The following ZNF777 variants were observed in gnomAD, a reference collection of about 807,000 sequenced individuals.
ZNF777 encodes the protein zinc finger protein 777.
A neutral mutation model predicts 72.1 loss-of-function variants in ZNF777; 7 were observed. The ratio of observed to expected loss-of-function variants is 0.10; its 90% CI spans 0.06 to 0.18. The LOEUF is 0.18. Among genes scored for constraint, ZNF777 ranks in the 10% least tolerant of loss-of-function variants. The pLI, the probability that ZNF777 is intolerant of heterozygous loss-of-function variation, is 1.00. For missense variants in ZNF777, 828 were observed against 1,128.6 expected (o/e 0.73, Z 3.82); for synonymous variants, 545 against 483.5 (o/e 1.13, Z -1.67).
chr7:149,453,177 T>C (rs1246329168), intron 3 of ZNF777, among the ~76,000 whole-genome samples: 2 of 152,216 alleles, frequency 1.3e-5, no homozygotes, highest in African/African-American at 2.4e-5. Flanking sequence ...AAAGTGTTCA[T>C]GGTGGTTACC....
At chr7:149,442,058 A>G (rs1799526917) in intron 4 of ZNF777, among the ~76,000 whole-genome samples, 1 of 151,496 alleles carries the variant, frequency 6.6e-6, no homozygotes, top group Non-Finnish European at 1.5e-5. Flanking sequence ...TCTACTAAAA[A>G]ATACAAAAAT....
rs1799799040 is a variant in ZNF777, at chr7:149,455,108, C to T, written c.846+69G>A. ...TCAACCACCCCTTTCTTTCATATTA[C>T]ACTACATTCCTAAACCACACTCCAA... On this transcript the variant is annotated intron_variant, in intron 2 of 5. Coordinates refer to ENST00000247930, the MANE Select transcript of ZNF777 (RefSeq NM_015694.3). This position sits in a 1 kb window ranked among gnomAD's most constrained non-coding sequence, Gnocchi z 4.2. The T allele has an allele frequency of 6.6e-7, 1 of 1,520,294 alleles. No homozygotes were observed. The highest frequency in any genetic ancestry group is 8.8e-7 in the Non-Finnish European group (1 of 1,134,202). The allele number at this position is 1,520,294 out of a possible 1,614,324, so 94.2% of individuals were successfully genotyped here.
rs1294685250 is a variant in ZNF777, at chr7:149,455,770, C to A, written c.253G>T (p.Ala85Ser). 6.2e-7 allele frequency: 1 copy of A among 1,603,324 alleles called. No homozygotes were observed. Among genetic ancestry groups the A allele is most frequent in the Non-Finnish European group, 8.5e-7 (1 of 1,174,166 alleles). The change falls in exon 2 of 6, where the codon GCC becomes TCC. Residue 85 changes from alanine (A) to serine (S), a missense_variant. Physicochemically the swap from Ala to Ser is moderately conservative, Grantham distance 99. Coordinates refer to ENST00000247930, the MANE Select transcript of ZNF777 (RefSeq NM_015694.3). The surrounding 1 kb of genome is among the most constrained non-coding windows in gnomAD (Gnocchi z 4.2). ...LQKGPSLLCS[A>S]ASEQETSLQG... ...AGAGAAGTCTCTTGCTCAGAAGCGGCAGAACACAGGAGTGAGGGTCCCTTC... is the reference window on the plus strand; with the variant it reads ...AGAGAAGTCTCTTGCTCAGAAGCGGAAGAACACAGGAGTGAGGGTCCCTTC...
chr7:149,449,214 T>C (rs552730754), intron 4 of ZNF777, among the ~76,000 whole-genome samples: 26 of 152,220 alleles, frequency 1.7e-4, no homozygotes, highest in African/African-American at 6.3e-4. Context: ...GGTACCTATG[T>C]CCTCCCCTTT....
At chr7:149,433,353 T>C (rs1799358202) in intron 5 of ZNF777, among the ~76,000 whole-genome samples, 1 of 152,292 alleles carries the variant, frequency 6.6e-6, no homozygotes, top group East Asian at 1.9e-4. Flanking sequence ...CTCACGATTC[T>C]CTAATTATAT....
At chr7:149,450,792 A>G (rs985246486) in intron 4 of ZNF777, among the ~76,000 whole-genome samples, 1 of 152,154 alleles carries the variant, frequency 6.6e-6, no homozygotes, top group African/African-American at 2.4e-5. Flanking sequence ...AATTCCTGAG[A>G]CAGTGAACCC....
intron 4 of ZNF777, among the ~76,000 whole-genome samples, chr7:149,441,694 T>C (rs1413873040): frequency 6.6e-6 from 1 of 152,224 alleles, no homozygotes; most frequent in African/African-American, 2.4e-5. Flanking sequence ...TGTTTTCAAA[T>C]GTATTAAACC....
At chr7:149,433,607 C>G (rs1799362608) in intron 5 of ZNF777, among the ~76,000 whole-genome samples, 1 of 152,200 alleles carries the variant, frequency 6.6e-6, no homozygotes, top group Admixed American at 6.5e-5. Context: ...TGATCAAAAC[C>G]TACAGCACTC....
intron 4 of ZNF777, among the ~76,000 whole-genome samples, chr7:149,443,293 T>C (rs1490076420): frequency 1.3e-5 from 2 of 152,204 alleles, no homozygotes; most frequent in Admixed American, 6.5e-5. Flanking sequence ...TACTTCTATA[T>C]TGTCTGATTT....
At chr7:149,454,735 A>G (rs180742279) in intron 2 of ZNF777, among the ~76,000 whole-genome samples, 1 of 152,354 alleles carries the variant, frequency 6.6e-6, no homozygotes, top group East Asian at 1.9e-4. Context: ...TTGAAAGGAA[A>G]CATCTTGAAA....
Position 149,436,552 on chromosome 7 carries a change from G to A in ZNF777, c.1339+23C>T, listed in dbSNP as rs749548223. 31 of 1,568,852 alleles carry A rather than the reference G, an allele frequency of 2.0e-5. No homozygotes were observed. The highest frequency in any genetic ancestry group is 6.8e-5 in the East Asian group (3 of 43,952). On this transcript the variant is annotated intron_variant, in intron 5 of 5. Transcript: ENST00000247930. This position sits in a 1 kb window ranked among gnomAD's most constrained non-coding sequence, Gnocchi z 5.0. ...GGAGGCCTCATGGCAACCCTTCCCC[G>A]GCCGTCCCCGCCCAGCACTCACCCG...
chr7:149,443,357 T>C (rs932232405), intron 4 of ZNF777, among the ~76,000 whole-genome samples: 1 of 152,262 alleles, frequency 6.6e-6, no homozygotes, highest in Admixed American at 6.5e-5. Context: ...GCCATGTGTA[T>C]GTAATCACAT....
At chr7:149,457,380 G>T (rs1013128044) in intron 1 of ZNF777, among the ~76,000 whole-genome samples, 1 of 152,108 alleles carries the variant, frequency 6.6e-6, no homozygotes, top group East Asian at 1.9e-4. Flanking sequence ...ATATCCAAGT[G>T]GTCTTTAATT....
Position 149,455,492 on chromosome 7 carries a change from CG to C in ZNF777, c.530del (p.Pro177ArgfsTer28). ...AGCGGGTGATCTCTGCCGTGGGGAG[CG>C]GCTGTTCCTTCTGGACTGCAGAAGA... ...QISSAVQKEQ[P>X]LPTAEITRLA... On this transcript the variant is annotated frameshift_variant, in exon 2 of 6. Coordinates refer to ENST00000247930, the MANE Select transcript of ZNF777 (RefSeq NM_015694.3). LOFTEE classifies it high-confidence loss of function. This position sits in a 1 kb window ranked among gnomAD's most constrained non-coding sequence, Gnocchi z 4.2. 1 of 1,613,948 alleles carries C rather than the reference CG, an allele frequency of 6.2e-7. No individual in the cohort carries two copies. The highest frequency in any genetic ancestry group is 8.5e-7 in the Non-Finnish European group (1 of 1,179,932).
At chr7:149,459,203 C>T (rs1439465459) in intron 1 of ZNF777, among the ~76,000 whole-genome samples, 2 of 152,156 alleles carry the variant, frequency 1.3e-5, no homozygotes, top group African/African-American at 4.8e-5. Flanking sequence ...CCTGTGTACA[C>T]AATAGGAAAC....
chr7:149,436,568 C>T lies in ZNF777; in HGVS notation c.1339+7G>A, dbSNP rs761148176. ...CCCTTCCCCGGCCGTCCCCGCCCAG[C>T]ACTCACCCGTGCAGTTCCTCTGCTG... On this transcript the variant is annotated splice_region_variant and intron_variant, in intron 5 of 5. Coordinates refer to ENST00000247930, the MANE Select transcript of ZNF777 (RefSeq NM_015694.3). The surrounding 1 kb of genome is among the most constrained non-coding windows in gnomAD (Gnocchi z 5.0). 9.2e-5 allele frequency: 146 copies of T among 1,592,550 alleles called. No homozygotes were observed. Among genetic ancestry groups the T allele is most frequent in the Non-Finnish European group, 1.2e-4 (142 of 1,168,176 alleles).
chr7:149,452,315 A>C, intron 3 of ZNF777, among the ~76,000 whole-genome samples: 1 of 150,478 alleles, frequency 6.6e-6, no homozygotes, highest in South Asian at 2.1e-4. Context: ...AAGTTCACTA[A>C]TCATCAAAGA....
chr7:149,448,579 CTATATATATA>C (rs57860880), intron 4 of ZNF777, among the ~76,000 whole-genome samples: 28,255 of 114,852 alleles, frequency 0.25, 3,637 homozygotes, highest in Non-Finnish European at 0.3. Context: ...ATACATATAA[CTATATATATA>C]TATATATATA....
At chr7:149,443,425 T>G (rs1480022572) in intron 4 of ZNF777, among the ~76,000 whole-genome samples, 2 of 152,188 alleles carry the variant, frequency 1.3e-5, no homozygotes, top group African/African-American at 4.8e-5. Flanking sequence ...ATGGGGGACT[T>G]TCACTCTCTC....
Sources: allele counts gnomAD v4.1 joint callset (sites outside exome capture counted in the v4.1 genomes callset), GRCh38; gene constraint gnomAD v4.1.1; non-coding constraint Gnocchi (gnomAD v3.1); transcripts MANE v1.5; gene names NCBI Gene and HGNC (gene_info 2026-07-23, HGNC 2026-07-21).